BARHL1: variants seen among roughly 807,000 people sequenced by gnomAD.
The protein encoded by BARHL1 is BarH like homeobox 1, also known as barH-like 1 homeobox protein.
Under a neutral mutation model 20.1 loss-of-function variants are expected in BARHL1, and 2 were observed. That is an observed-to-expected ratio of 0.10 (90% CI 0.04 to 0.31). The LOEUF (loss-of-function observed/expected upper bound fraction) is 0.31, where lower values mean the gene tolerates loss of function less well. Ranked by LOEUF, BARHL1 falls within the 10% of genes least tolerant of loss-of-function variation. The pLI is 1.00. For synonymous variants in BARHL1, 213 were observed against 209.9 expected, an observed-to-expected ratio of 1.01 and a Z score of -0.13; for missense variants, 397 against 454.0, an observed-to-expected ratio of 0.87 and a Z score of 1.14.
Position 132,587,335 on chromosome 9 carries a change from A to G in BARHL1, c.473A>G (p.Glu158Gly). Reference protein sequence around the residue: ...ASSDSEYKVKEEGDREISSSR... With the variant: ...ASSDSEYKVKGEGDREISSSR... The stretch of plus-strand genomic sequence containing the variant: ...CATGCCGCTGTGTCCGCAGTGAAGG[A>G]GGAGGGCGACCGCGAGATCTCCAGC... Residue 158 changes from glutamate to glycine, a missense_variant, in exon 2 of 3, where the codon GAG becomes GGG. Around this residue, in one of 3 missense-constraint regions of BARHL1, gnomAD observed 272 missense variants for 298.7 expected, o/e 0.91. Transcript: ENST00000263610. This position sits in a 1 kb window ranked among gnomAD's most constrained non-coding sequence, Gnocchi z 5.5. 1 of 1,602,882 alleles carries G rather than the reference A, an allele frequency of 6.2e-7. No individual in the cohort carries two copies.
chr9:132,588,758 C>A (rs1447994289), intron 2 of BARHL1, among the ~76,000 whole-genome samples: 1 of 151,850 alleles, frequency 6.6e-6, no homozygotes, highest in Non-Finnish European at 1.5e-5. Context: ...GCCCGGCCAG[C>A]CTGCAGAGGA....
chr9:132,587,434 C>A lies in BARHL1; in HGVS notation c.572C>A (p.Ala191Glu). 6.2e-7 allele frequency: 1 copy of A among 1,612,660 alleles called. No homozygotes were observed. The highest frequency in any genetic ancestry group is 8.5e-7 in the Non-Finnish European group (1 of 1,179,742). ...ACGGCCTTCACCGACCATCAGCTGG[C>A]GCAGCTGGAGCGCAGCTTCGAGCGG... ...ARTAFTDHQL[A>E]QLERSFERQK... Residue 191 changes from alanine to glutamate, a missense_variant, in exon 2 of 3, where the codon GCG (alanine) becomes GAG (glutamate). By Grantham distance (107) the Ala-to-Glu change is moderately radical. Coordinates refer to ENST00000263610, the MANE Select transcript of BARHL1 (RefSeq NM_020064.4). The surrounding 1 kb of genome is among the most constrained non-coding windows in gnomAD (Gnocchi z 5.5).
chr9:132,583,124 G>T lies in BARHL1; in HGVS notation c.327G>T (p.Ala109=). The change falls in exon 1 of 3, where the codon GCG becomes GCT. Residue 109 remains alanine (A), a synonymous_variant. Coordinates refer to ENST00000263610, the MANE Select transcript of BARHL1 (RefSeq NM_020064.4). ...TCCTTGCCGACTGCAAACCACTCGCGGCCTGTGCACCCTACTCTAGCAGCG... is the reference window on the plus strand; with the variant it reads ...TCCTTGCCGACTGCAAACCACTCGCTGCCTGTGCACCCTACTCTAGCAGCG... ...RDILADCKPL[A]ACAPYSSSGQ... is the part of the protein sequence containing the mutation. 1 of 1,613,770 alleles carries T rather than the reference G, an allele frequency of 6.2e-7. No individual in the cohort carries two copies. Among genetic ancestry groups the T allele is most frequent in the Non-Finnish European group, 8.5e-7 (1 of 1,179,966 alleles).
chr9:132,589,333 G>A lies in BARHL1; in HGVS notation c.795G>A (p.Gln265=), dbSNP rs769270458. 6.2e-7 allele frequency: 1 copy of A among 1,613,560 alleles called. No homozygotes were observed. The highest frequency in any genetic ancestry group is 1.1e-5 in the South Asian group (1 of 91,082). ...TCCCGTCGCCTTATTTCTACCCGCAGAGTCTGGTTTCCAACCTGGACCCCG... is the reference window on the plus strand; with the variant it reads ...TCCCGTCGCCTTATTTCTACCCGCAAAGTCTGGTTTCCAACCTGGACCCCG... ...RMFPSPYFYP[Q]SLVSNLDPGA... The change falls in exon 3 of 3, where the codon CAG becomes CAA. Residue 265 remains glutamine (Q), a synonymous_variant. Transcript: ENST00000263610.
intron 1 of BARHL1, among the ~76,000 whole-genome samples, chr9:132,586,379 G>A (rs1276012611): frequency 6.6e-6 from 1 of 152,268 alleles, no homozygotes; most frequent in Non-Finnish European, 1.5e-5. Context: ...AATCGCTTTA[G>A]AGGGAGAAGG....
chr9:132,587,724 C>T lies in BARHL1; in HGVS notation c.689+173C>T, dbSNP rs1448618310. ...GGGGACAAGGCCTTGCCCAAAGTCC[C>T]CACAGCGAGGGACAGAGATGAGACT... On this transcript the variant is annotated intron_variant, in intron 2 of 2. Transcript: ENST00000263610. The surrounding 1 kb of genome is among the most constrained non-coding windows in gnomAD (Gnocchi z 5.5). Among the ~76,000 whole-genome samples, 5 of 152,196 alleles carry T rather than the reference C, an allele frequency of 3.3e-5. No homozygotes were observed. The highest frequency in any genetic ancestry group is 7.2e-5 in the African/African-American group (3 of 41,444).
At position 132,584,728 on chromosome 9, in the gene BARHL1, C is replaced by T. The variant is rs936904777; in HGVS notation, c.466+1465C>T. On this transcript the variant is annotated intron_variant, in intron 1 of 2. Transcript: ENST00000263610. ...ATGCCTGGAAAGTAGGCAGGTTTAA[C>T]GGAGCGGCCAGGAGGAGATCCAGAG... Among the ~76,000 whole-genome samples the T allele has an allele frequency of 2.6e-5, 4 of 152,288 alleles. No individual in the cohort carries two copies. In the East Asian group the frequency reaches 7.7e-4, roughly 29 times the overall value.
At position 132,583,176 on chromosome 9, in the gene BARHL1, G is replaced by A; in HGVS notation, c.379G>A (p.Gly127Ser). Reference sequence around the variant, plus strand: ...GCAGCCGGCAGCCCCTGAGCCTGGGGGCCGCCTTGCGGCCAAGGCCGCGGA... The same window carrying A: ...GCAGCCGGCAGCCCCTGAGCCTGGGAGCCGCCTTGCGGCCAAGGCCGCGGA... ...SGQPAAPEPG[G>S]RLAAKAAEDF... Residue 127 changes from glycine to serine, a missense_variant, in exon 1 of 3, where the codon GGC becomes AGC. Gly to Ser is a moderately conservative substitution (Grantham distance 56, BLOSUM62 0). This residue lies in a region of BARHL1 where 272 missense variants were observed against 298.7 expected (regional missense o/e 0.91). Coordinates refer to ENST00000263610, the MANE Select transcript of BARHL1 (RefSeq NM_020064.4). The A allele has an allele frequency of 6.2e-7, 1 of 1,613,584 alleles. No individual in the cohort carries two copies. Among genetic ancestry groups the A allele is most frequent in the Non-Finnish European group, 8.5e-7 (1 of 1,179,956 alleles).
chr9:132,589,158 G>C, intron 2 of BARHL1, 70 bp from the exon 3 acceptor site: 2 of 1,532,434 alleles, frequency 1.3e-6, no homozygotes, highest in Non-Finnish European at 1.8e-6. Context: ...GGGCCAAGCA[G>C]TGGGGAGGGG....
Position 132,590,211 on chromosome 9 carries a change from TTCTC to T in BARHL1, c.*693_*696del, listed in dbSNP as rs1015628653. ...TCCGGGGGCAGCCAGGCCTCTCGGG[TTCTC>T]TCTTTTTTAAATGTCGAAATAAACT... is the stretch of plus-strand genomic sequence containing the variant. On this transcript the variant is annotated 3_prime_UTR_variant, in exon 3 of 3. Transcript: ENST00000263610. 6.6e-5 allele frequency: 8 copies of T among 121,012 alleles called. No homozygotes were observed. Among genetic ancestry groups the T allele is most frequent in the Non-Finnish European group, 1.3e-4 (8 of 59,538 alleles). The allele number at this position is 121,012 out of a possible 1,614,324, so 7.5% of individuals were successfully genotyped here. A position where few individuals can be genotyped will look rare whatever the true frequency, so the allele number is the denominator to read the frequency against.
Position 132,587,570 on chromosome 9 carries a change from G to T in BARHL1, c.689+19G>T. On this transcript the variant is annotated intron_variant, in intron 2 of 2. Transcript: ENST00000263610. The surrounding 1 kb of genome is among the most constrained non-coding windows in gnomAD (Gnocchi z 5.5). ...ACCGCAGGTGAGGCCTGGCTGCGGG[G>T]GTAGAGGCAGAAAGGGAACTTCCCC... The T allele has an allele frequency of 1.3e-6, 2 of 1,589,432 alleles. No individual in the cohort carries two copies. Among genetic ancestry groups the T allele is most frequent in the Non-Finnish European group, 8.6e-7 (1 of 1,166,776 alleles).
intron 2 of BARHL1, among the ~76,000 whole-genome samples, chr9:132,588,368 G>A (rs547588259): frequency 3.4e-4 from 52 of 152,056 alleles, no homozygotes; most frequent in Admixed American, 9.2e-4. Flanking sequence ...AGAACACATC[G>A]CCCCATTAAT....
chr9:132,587,193 G>C lies in BARHL1; in HGVS notation c.467-136G>C, dbSNP rs1830153048. On this transcript the variant is annotated intron_variant, in intron 1 of 2. Coordinates refer to ENST00000263610, the MANE Select transcript of BARHL1 (RefSeq NM_020064.4). The surrounding 1 kb of genome is among the most constrained non-coding windows in gnomAD (Gnocchi z 5.5). ...CCGGGGCCCCAGAGGTCCCGTCTGA[G>C]AGCGGCCCCCGCGAGCTTGGGTGTC... 2 of 857,688 alleles carry C rather than the reference G, an allele frequency of 2.3e-6. No homozygotes were observed. Among genetic ancestry groups the C allele is most frequent in the East Asian group, 5.4e-5 (2 of 37,308 alleles). The allele number at this position is 857,688 out of a possible 1,614,324, so 53.1% of individuals were successfully genotyped here.
rs777244117 is a variant in BARHL1 at position 132,583,051 on chromosome 9, C to T, written c.254C>T (p.Ala85Val). 6 of 1,613,890 alleles carry T rather than the reference C, an allele frequency of 3.7e-6. No homozygotes were observed. The highest frequency in any genetic ancestry group is 5.1e-6 in the Non-Finnish European group (6 of 1,179,950). The change falls in exon 1 of 3, where the codon GCC becomes GTC. Residue 85 changes from alanine to valine, a missense_variant. Physicochemically the swap from Ala to Val is moderately conservative, Grantham distance 64. Coordinates refer to ENST00000263610, the MANE Select transcript of BARHL1 (RefSeq NM_020064.4). ...CACCTGCAGCCCGGGCAGCTCTCAGCCCCGGCCCAGTCGCGCACCGTCACC... is the reference window on the plus strand; with the variant it reads ...CACCTGCAGCCCGGGCAGCTCTCAGTCCCGGCCCAGTCGCGCACCGTCACC... Reference protein sequence around the residue: ...DSHLQPGQLSAPAQSRTVTSS... With the variant: ...DSHLQPGQLSVPAQSRTVTSS...
In BARHL1 at chr9:132,589,427, C is replaced by G. The variant is rs779662889; in HGVS notation, c.889C>G (p.Arg297Gly). The change falls in exon 3 of 3, where the codon CGC (arginine) becomes GGC (glycine). Residue 297 changes from arginine to glycine, a missense_variant. Coordinates refer to ENST00000263610, the MANE Select transcript of BARHL1 (RefSeq NM_020064.4). ...PPALQRPLVP[R>G]ILIHGLQGAS... The stretch of plus-strand genomic sequence containing the variant: ...TGCTCTCCAGAGACCTCTGGTGCCC[C>G]GCATCCTCATCCACGGACTCCAGGG... The G allele has an allele frequency of 2.5e-5, 40 of 1,609,238 alleles. No homozygotes were observed. In the African/African-American group the frequency reaches 5.2e-4, roughly 21 times the overall value.
rs1830185838 is a variant in BARHL1 at position 132,589,641 on chromosome 9, G to A, written c.*119G>A. 8.2e-7 allele frequency: 1 copy of A among 1,214,978 alleles called. No individual in the cohort carries two copies. Among genetic ancestry groups the A allele is most frequent in the Non-Finnish European group, 1.0e-6 (1 of 977,056 alleles). The allele number at this position is 1,214,978 out of a possible 1,614,324, so 75.3% of individuals were successfully genotyped here. ...GAGGGGGCCCTGCCCGGCCCTCCCT[G>A]GCGCCCCAGCCCAGTGCCCCCCGAA... On this transcript the variant is annotated 3_prime_UTR_variant, in exon 3 of 3. Transcript: ENST00000263610.
At chr9:132,588,798 C>A (rs75864197) in intron 2 of BARHL1, among the ~76,000 whole-genome samples, 1 of 36,990 alleles carries the variant, frequency 2.7e-5, no homozygotes, top group East Asian at 8.1e-4. Flanking sequence ...CTGAAGAGCA[C>A]CCCCCCATCC....
chr9:132,586,061 G>A (rs1830141223), intron 1 of BARHL1, among the ~76,000 whole-genome samples: 1 of 152,250 alleles, frequency 6.6e-6, no homozygotes, highest in African/African-American at 2.4e-5. Context: ...GAGGAGGCAG[G>A]TGGAAAGCCT....
In BARHL1 at chr9:132,582,957, C is replaced by A; in HGVS notation, c.160C>A (p.Pro54Thr). The A allele has an allele frequency of 6.2e-7, 1 of 1,613,922 alleles. No homozygotes were observed. The highest frequency in any genetic ancestry group is 8.5e-7 in the Non-Finnish European group (1 of 1,179,972). ...CAGCGACTGCTCTTCGCCAGCCTCT[C>A]CAGGAAGGGACTGTTTGGAGACGGG... Reference protein sequence around the residue: ...SSSDCSSPASPGRDCLETGTP... With the variant: ...SSSDCSSPASTGRDCLETGTP... The change falls in exon 1 of 3, where the codon CCA (proline) becomes ACA (threonine). Residue 54 changes from proline (P) to threonine (T), a missense_variant. This residue lies in a region of BARHL1 where 272 missense variants were observed against 298.7 expected (regional missense o/e 0.91). Transcript: ENST00000263610.
Sources: gnomAD v4.1 joint callset for allele counts (sites outside exome capture counted in the v4.1 genomes callset) on GRCh38, gnomAD v4.1.1 for gene constraint, gnomAD v4.1.1 regional missense constraint, Gnocchi (gnomAD v3.1) non-coding constraint, MANE v1.5 for transcripts, NCBI Gene and HGNC (gene_info 2026-07-23, HGNC 2026-07-21) for gene names.